The following RLN2 variants were observed in gnomAD, a reference collection of about 807,000 sequenced individuals.
RLN2 encodes the protein relaxin 2, also known as prorelaxin H2.
Under a neutral mutation model 7.3 loss-of-function variants are expected in RLN2, and 10 were observed. The observed-to-expected ratio is 1.36, with a 90% CI of 0.84 to 2.31. The LOEUF is 2.31. Among genes scored for constraint, RLN2 ranks in the 30% most tolerant of loss-of-function variants. RLN2 has a pLI of 0.00. For missense variants in RLN2, 298 were observed against 217.6 expected, an observed-to-expected ratio of 1.37 and a Z score of -2.32; for synonymous variants, 103 against 82.3, an observed-to-expected ratio of 1.25 and a Z score of -1.36.
chr9:5,301,151 T>C (rs551403686), intron 1 of RLN2, among the ~76,000 whole-genome samples: 45 of 152,342 alleles, frequency 3.0e-4, no homozygotes, highest in Non-Finnish European at 5.3e-4. Context: ...GTGGAGTATG[T>C]GTACTGACTA....
At chr9:5,335,694 C>A in the RLN2 span, 1 of 714,590 alleles carries the variant, frequency 1.4e-6, no homozygotes, top group Non-Finnish European at 2.3e-6. Context: ...GAAAAGAAAG[C>A]ATTGCCTCAA....
the RLN2 span, among the ~76,000 whole-genome samples, chr9:5,324,675 T>A: frequency 6.6e-6 from 1 of 152,024 alleles, no homozygotes; most frequent in Non-Finnish European, 1.5e-5. Flanking sequence ...AAGCACTGAG[T>A]AAAATAATTT....
chr9:5,318,065 T>A, the RLN2 span, among the ~76,000 whole-genome samples: 2 of 151,284 alleles, frequency 1.3e-5, no homozygotes, highest in Admixed American at 6.6e-5. Flanking sequence ...AGAGACAGGG[T>A]TTCGCCACAT....
rs1027552672 is a variant in RLN2, at chr9:5,304,657, G to A, written c.-77C>T. On this transcript the variant is annotated 5_prime_UTR_variant, in exon 1 of 2. Transcript: ENST00000381627. ...CAGCTGCTGTGGCCTACACACCTGG[G>A]CCTGTGTGCCTGTCCCGGGCTTTAG... is the stretch of plus-strand genomic sequence containing the variant. 1.4e-6 allele frequency: 2 copies of A among 1,426,096 alleles called. No homozygotes were observed. The highest frequency in any genetic ancestry group is 1.2e-5 in the South Asian group (1 of 84,754). The allele number at this position is 1,426,096 out of a possible 1,614,324, so 88.3% of individuals were successfully genotyped here.
At chr9:5,312,824 T>C in the RLN2 span, among the ~76,000 whole-genome samples, 1 of 152,068 alleles carries the variant, frequency 6.6e-6, no homozygotes, top group Non-Finnish European at 1.5e-5. Flanking sequence ...TATTTCCTTC[T>C]TTGACCCATT....
At chr9:5,322,969 A>G in the RLN2 span, among the ~76,000 whole-genome samples, 1 of 151,896 alleles carries the variant, frequency 6.6e-6, no homozygotes, top group African/African-American at 2.4e-5. Context: ...CCATCTGCTT[A>G]AAGTATAATT....
chr9:5,316,022 G>C, the RLN2 span, among the ~76,000 whole-genome samples: 5 of 152,034 alleles, frequency 3.3e-5, no homozygotes, highest in East Asian at 3.9e-4. Flanking sequence ...AAATTCACTG[G>C]TAAAGGTAAA....
the RLN2 span, among the ~76,000 whole-genome samples, chr9:5,328,705 C>T: frequency 6.6e-5 from 10 of 151,978 alleles, no homozygotes; most frequent in East Asian, 1.9e-4. Context: ...AGACTAACAG[C>T]GGATCTCTCG....
At chr9:5,313,536 T>A in the RLN2 span, among the ~76,000 whole-genome samples, 67 of 152,036 alleles carry the variant, frequency 4.4e-4, 2 homozygotes, top group African/African-American at 1.4e-3. Flanking sequence ...CTCTATGTCT[T>A]AAAAACTTTT....
the RLN2 span, among the ~76,000 whole-genome samples, chr9:5,328,824 G>A: frequency 6.6e-6 from 1 of 151,922 alleles, no homozygotes; most frequent in African/African-American, 2.4e-5. Flanking sequence ...CTCATATCCA[G>A]CCAAACTAAG....
the RLN2 span, among the ~76,000 whole-genome samples, chr9:5,317,995 T>TGTGTGTGTGTGC: frequency 3.4e-5 from 4 of 117,492 alleles, no homozygotes; most frequent in South Asian, 2.9e-4. Context: ...AACAAAACTA[T>TGTGTGTGTGTGC]GTGTGTGTGT....
At chr9:5,315,516 G>C in the RLN2 span, among the ~76,000 whole-genome samples, 1 of 151,934 alleles carries the variant, frequency 6.6e-6, no homozygotes, top group African/African-American at 2.4e-5. Flanking sequence ...AGACAAATGT[G>C]CAGAAAGCTT....
chr9:5,330,518 G>C, the RLN2 span, among the ~76,000 whole-genome samples: 1 of 150,890 alleles, frequency 6.6e-6, no homozygotes. Flanking sequence ...GGGGCCTGTA[G>C]TCCCAGCTAC....
Position 5,300,311 on chromosome 9 carries a change from A to T in RLN2, c.345T>A (p.His115Gln). Reference sequence around the variant, plus strand: ...GACTGGAATCTTTTAATACAGGTACATGTTGTTGTAGCTGTGGTAATGCTG... The same window carrying T: ...GACTGGAATCTTTTAATACAGGTACTTGTTGTTGTAGCTGTGGTAATGCTG... ...MQPALPQLQQ[H>Q]VPVLKDSSLL... Residue 115 changes from histidine (H) to glutamine (Q), a missense_variant, in exon 2 of 2, where the codon CAT (histidine) becomes CAA (glutamine). By Grantham distance (24) the His-to-Gln change is conservative (BLOSUM62 0). Coordinates refer to ENST00000381627, the MANE Select transcript of RLN2 (RefSeq NM_134441.3). 6.2e-7 allele frequency: 1 copy of T among 1,614,050 alleles called. No homozygotes were observed. The highest frequency in any genetic ancestry group is 8.5e-7 in the Non-Finnish European group (1 of 1,179,934).
rs1230179465 is a variant in RLN2, at chr9:5,300,382, C to G, written c.274G>C (p.Ala92Pro). 10 of 1,613,056 alleles carry G rather than the reference C, an allele frequency of 6.2e-6. No homozygotes were observed. The highest frequency in any genetic ancestry group is 8.5e-6 in the Non-Finnish European group (10 of 1,179,786). ...AACTTCAGCTCCTGTGGCAAATTAG[C>G]AACAAATTCTGACATCATATTTATG... ...ETINMMSEFV[A>P]NLPQELKLTL... Residue 92 changes from alanine to proline, a missense_variant, in exon 2 of 2, where the codon GCT becomes CCT. Ala to Pro is a conservative substitution (Grantham distance 27). Transcript: ENST00000381627.
the RLN2 span, among the ~76,000 whole-genome samples, chr9:5,317,285 A>C: frequency 2.6e-5 from 4 of 151,914 alleles, 1 homozygote; most frequent in Admixed American, 2.6e-4. Context: ...AATGGATAAA[A>C]AACCAAGATT....
the RLN2 span, among the ~76,000 whole-genome samples, chr9:5,337,339 T>A: frequency 1.9e-4 from 29 of 152,110 alleles, no homozygotes; most frequent in Non-Finnish European, 3.4e-4. Flanking sequence ...TTTGAACTTT[T>A]ATTAAAATTA....
the RLN2 span, among the ~76,000 whole-genome samples, chr9:5,322,160 A>G: frequency 6.6e-6 from 1 of 151,940 alleles, no homozygotes; most frequent in Non-Finnish European, 1.5e-5. Flanking sequence ...GACAATGAAT[A>G]AGATCCCTTC....
At chr9:5,321,382 C>G in the RLN2 span, among the ~76,000 whole-genome samples, 2 of 151,880 alleles carry the variant, frequency 1.3e-5, no homozygotes, top group African/African-American at 4.8e-5. Flanking sequence ...TACTTCTTTC[C>G]CAAAGACAGC....
Sources: gnomAD v4.1 joint callset for allele counts (sites outside exome capture counted in the v4.1 genomes callset) on GRCh38, gnomAD v4.1.1 for gene constraint, MANE v1.5 for transcripts, NCBI Gene and HGNC (gene_info 2026-07-23, HGNC 2026-07-21) for gene names.